Variants in SUPT3H observed in about 807,000 individuals in gnomAD.
SUPT3H encodes the protein transcription initiation protein SPT3 homolog.
In SUPT3H, 44 loss-of-function variants were observed where a neutral mutation model predicts 44.3. The ratio of observed to expected loss-of-function variants is 0.99; its 90% CI spans 0.78 to 1.28. The LOEUF (loss-of-function observed/expected upper bound fraction) is 1.28. SUPT3H is among the 50% of genes most tolerant of loss of function. SUPT3H has a pLI of 0.00. For missense variants in SUPT3H, 380 were observed against 387.1 expected, an observed-to-expected ratio of 0.98 and a Z score of 0.15; for synonymous variants, 124 against 125.6, an observed-to-expected ratio of 0.99 and a Z score of 0.09.
At position 44,894,363 on chromosome 6, in the gene SUPT3H, G is replaced by A. The variant is rs540023249; in HGVS notation, c.912+38290C>T. ...GGGTTTTTATGGTTTTAGGTCTCACGTTTAAGTCTTTAATGCATCTTGAAT... is the reference window on the plus strand; with the variant it reads ...GGGTTTTTATGGTTTTAGGTCTCACATTTAAGTCTTTAATGCATCTTGAAT... On this transcript the variant is annotated intron_variant, in intron 10 of 10. Transcript: ENST00000371459. Among the ~76,000 whole-genome samples the A allele has an allele frequency of 2.4e-4, 36 of 152,246 alleles. No homozygotes were observed. In the South Asian group the frequency reaches 7.0e-3, roughly 30 times the overall value.
chr6:45,102,879 T>TA (rs1798777464), intron 3 of SUPT3H, among the ~76,000 whole-genome samples: 1 of 151,116 alleles, frequency 6.6e-6, no homozygotes, highest in Non-Finnish European at 1.5e-5. Context: ...TTGGAGATTG[T>TA]AGTGAGCCGA....
In SUPT3H at chr6:45,298,779, C is replaced by T. The variant is rs143369498; in HGVS notation, c.101+66422G>A. Among the ~76,000 whole-genome samples, 325 of 152,198 alleles carry T rather than the reference C, an allele frequency of 2.1e-3. 1 individual carries two copies. The highest frequency in any genetic ancestry group is 7.5e-3 in the African/African-American group (311 of 41,516). ...ATCCCATATTGCAAACTAAACCTCT[C>T]CACTAAAGTAACTCTCTAGAATATA... On this transcript the variant is annotated intron_variant, in intron 2 of 10. Transcript: ENST00000371459.
At chr6:45,143,172 G>A (rs1805522520) in intron 2 of SUPT3H, among the ~76,000 whole-genome samples, 1 of 152,088 alleles carries the variant, frequency 6.6e-6, no homozygotes, top group Admixed American at 6.6e-5. Context: ...AATCGACATA[G>A]AAACAACGAA....
chr6:44,876,291 G>C lies in SUPT3H; in HGVS notation c.913-46434C>G, dbSNP rs1433617894. ...ATGATAGACTGGATTAAGAAAATGT[G>C]GCACATATACACCATGGAATACTAT... On this transcript the variant is annotated intron_variant, in intron 10 of 10. Coordinates refer to ENST00000371459, the MANE Select transcript of SUPT3H (RefSeq NM_003599.4). Among the ~76,000 whole-genome samples, 391 of 62,402 alleles carry C rather than the reference G, an allele frequency of 6.3e-3. 3 individuals are homozygous for C. The highest frequency in any genetic ancestry group is 9.1e-3 in the Non-Finnish European group (282 of 31,152). 40.9% of individuals were successfully genotyped at this position (62,402 alleles called of 152,430 possible).
intron 11 of SUPT3H, among the ~76,000 whole-genome samples, chr6:44,813,351 G>GTTAA (rs1205274988): frequency 2.6e-5 from 4 of 152,026 alleles, no homozygotes; most frequent in African/African-American, 9.7e-5. Flanking sequence ...ACCACGCCCA[G>GTTAA]TTAATTTTTA....
At chr6:45,266,394 C>A (rs1775272753) in intron 2 of SUPT3H, among the ~76,000 whole-genome samples, 1 of 151,772 alleles carries the variant, frequency 6.6e-6, no homozygotes, top group Non-Finnish European at 1.5e-5. Flanking sequence ...TACTTAACCT[C>A]AAACAACCAA....
intron 11 of SUPT3H, among the ~76,000 whole-genome samples, chr6:44,812,592 T>C (rs1370489575): frequency 6.6e-6 from 1 of 152,238 alleles, no homozygotes; most frequent in African/African-American, 2.4e-5. Flanking sequence ...ATTCACAGGT[T>C]CTGAGATTTG....
At chr6:44,903,019 A>G (rs1201593384) in intron 10 of SUPT3H, among the ~76,000 whole-genome samples, 1 of 152,144 alleles carries the variant, frequency 6.6e-6, no homozygotes, top group Non-Finnish European at 1.5e-5. Flanking sequence ...TCTCTGGGAC[A>G]CATTCAAAGC....
At chr6:45,166,442 A>T (rs1809864461) in intron 2 of SUPT3H, among the ~76,000 whole-genome samples, 1 of 151,942 alleles carries the variant, frequency 6.6e-6, no homozygotes, top group Non-Finnish European at 1.5e-5. Context: ...ACAAAAAATT[A>T]GGCATAGTGG....
At chr6:44,835,730 G>C (rs988012022) in intron 10 of SUPT3H, among the ~76,000 whole-genome samples, 4 of 151,960 alleles carry the variant, frequency 2.6e-5, no homozygotes, top group Non-Finnish European at 4.4e-5. Context: ...AACTAAATTA[G>C]TCCCCCTCTC....
At chr6:44,954,911 A>C (rs1211757138) in intron 7 of SUPT3H, among the ~76,000 whole-genome samples, 1 of 152,240 alleles carries the variant, frequency 6.6e-6, no homozygotes, top group Admixed American at 6.5e-5. Context: ...TCACACTGTC[A>C]GATTTACCAT....
chr6:45,049,722 A>G (rs1205119986), intron 3 of SUPT3H, among the ~76,000 whole-genome samples: 1 of 152,148 alleles, frequency 6.6e-6, no homozygotes, highest in Non-Finnish European at 1.5e-5. Context: ...ACAAACAAGC[A>G]AAAAACCCCT....
intron 10 of SUPT3H, among the ~76,000 whole-genome samples, chr6:44,858,033 C>G (rs189373715): frequency 6.6e-6 from 1 of 152,302 alleles, no homozygotes; most frequent in Admixed American, 6.5e-5. Flanking sequence ...GCTTAGCTGA[C>G]ATTCCCTGCA....
intron 10 of SUPT3H, among the ~76,000 whole-genome samples, chr6:44,849,017 T>C (rs1227619433): frequency 1.3e-5 from 2 of 152,186 alleles, no homozygotes; most frequent in African/African-American, 4.8e-5. Flanking sequence ...TCAACTCCAA[T>C]GTGACATTAT....
intron 2 of SUPT3H, among the ~76,000 whole-genome samples, chr6:45,212,551 T>G (rs1222833455): frequency 7.1e-6 from 1 of 140,064 alleles, no homozygotes; most frequent in Non-Finnish European, 1.6e-5. Flanking sequence ...GTGTGTGTAT[T>G]GACTCTACTA....
intron 2 of SUPT3H, among the ~76,000 whole-genome samples, chr6:45,307,505 CAG>C (rs1783236027): frequency 6.6e-6 from 1 of 152,222 alleles, no homozygotes; most frequent in Non-Finnish European, 1.5e-5. Flanking sequence ...CCCAGGCAAA[CAG>C]GGTCTGGAGT....
chr6:45,185,670 T>G (rs893361616), intron 2 of SUPT3H, among the ~76,000 whole-genome samples: 2 of 152,226 alleles, frequency 1.3e-5, no homozygotes, highest in African/African-American at 2.4e-5. Context: ...GTTCCCCCAG[T>G]AAAGCCCCAG....
At chr6:45,162,995 T>C (rs1249521491) in intron 2 of SUPT3H, among the ~76,000 whole-genome samples, 1 of 152,168 alleles carries the variant, frequency 6.6e-6, no homozygotes, top group Non-Finnish European at 1.5e-5. Flanking sequence ...CTTGTTTTGA[T>C]AGAGCACAAG....
chr6:44,931,801 C>T (rs1303405199), intron 10 of SUPT3H, among the ~76,000 whole-genome samples: 4 of 151,880 alleles, frequency 2.6e-5, no homozygotes, highest in Admixed American at 1.3e-4. Flanking sequence ...TAGACAAAAT[C>T]ATGACTTTTA....
Sources: allele counts gnomAD v4.1 joint callset (sites outside exome capture counted in the v4.1 genomes callset), GRCh38; gene constraint gnomAD v4.1.1; transcripts MANE v1.5; gene names NCBI Gene and HGNC (gene_info 2026-07-23, HGNC 2026-07-21).